Variants in FALEC observed in about 807,000 individuals in gnomAD.
FALEC encodes focally amplified lncRNA on chromosome 1.
downstream of FALEC, among the ~76,000 whole-genome samples, chr1:150,520,603 G>A (rs1039513384): frequency 4.6e-5 from 7 of 151,842 alleles, no homozygotes; most frequent in Admixed American, 3.3e-4. Context: ...CATTTGGGTC[G>A]TTTTCATCTT....
At chr1:150,519,445 G>A (rs1670611804), downstream of FALEC, among the ~76,000 whole-genome samples, 1 of 152,204 alleles carries the variant, frequency 6.6e-6, no homozygotes, top group Non-Finnish European at 1.5e-5. Flanking sequence ...ATAAATGTAA[G>A]GGCGGTGGCT....
chr1:150,520,187 G>T (rs1670619725), downstream of FALEC, among the ~76,000 whole-genome samples: 1 of 152,034 alleles, frequency 6.6e-6, no homozygotes, highest in Non-Finnish European at 1.5e-5. Context: ...GACAAAATTT[G>T]CCATTTTAAC....
chr1:150,528,916 G>A, the FALEC span, among the ~76,000 whole-genome samples: 1 of 147,182 alleles, frequency 6.8e-6, no homozygotes, highest in African/African-American at 2.5e-5. Flanking sequence ...ATTGAATGAT[G>A]GTCTTTGTCT....
chr1:150,519,466 A>C (rs1302512400), downstream of FALEC, among the ~76,000 whole-genome samples: 2 of 152,166 alleles, frequency 1.3e-5, no homozygotes, highest in Non-Finnish European at 2.9e-5. Context: ...CATGCCTGTA[A>C]TCCCAACACT....
chr1:150,524,829 C>T, the FALEC span, among the ~76,000 whole-genome samples: 1 of 151,720 alleles, frequency 6.6e-6, no homozygotes, highest in Non-Finnish European at 1.5e-5. Context: ...TCTGTCTCTA[C>T]AAAAAATAAA....
chr1:150,517,958 A>G (rs763397651), exon 2 of FALEC: 2 of 152,202 alleles, frequency 1.3e-5, no homozygotes, highest in Non-Finnish European at 2.9e-5. Flanking sequence ...AAAAGGAGGC[A>G]GCACTTGTAG....
downstream of FALEC, among the ~76,000 whole-genome samples, chr1:150,522,403 G>T (rs907233516): frequency 2.0e-5 from 3 of 151,908 alleles, no homozygotes; most frequent in Non-Finnish European, 2.9e-5. Context: ...CAGGAGGATC[G>T]CCCAAGGTCA....
downstream of FALEC, among the ~76,000 whole-genome samples, chr1:150,518,541 C>T (rs1297844949): frequency 5.9e-5 from 9 of 151,682 alleles, 1 homozygote; most frequent in Middle Eastern, 3.2e-3. Flanking sequence ...TGCACTACCA[C>T]GCCCGGTTCA....
chr1:150,529,752 C>T, the FALEC span, among the ~76,000 whole-genome samples: 2 of 152,216 alleles, frequency 1.3e-5, no homozygotes, highest in East Asian at 3.9e-4. Context: ...CGCCTGCCAC[C>T]ACGCCCGGCT....
the FALEC span, among the ~76,000 whole-genome samples, chr1:150,523,879 G>C: frequency 1.2e-4 from 19 of 152,016 alleles, no homozygotes; most frequent in Non-Finnish European, 2.8e-4. Context: ...ACTCTAAATG[G>C]CATCACAAAG....
the FALEC span, among the ~76,000 whole-genome samples, chr1:150,523,823 G>A: frequency 6.6e-6 from 1 of 152,122 alleles, no homozygotes; most frequent in African/African-American, 2.4e-5. Flanking sequence ...ATACAGCCAA[G>A]GGTATGGATC....
chr1:150,533,352 G>A, the FALEC span, among the ~76,000 whole-genome samples: 1 of 151,396 alleles, frequency 6.6e-6, no homozygotes, highest in African/African-American at 2.4e-5. Flanking sequence ...GGCAAGATGG[G>A]CCACATCGAG....
chr1:150,535,698 C>T, the FALEC span, among the ~76,000 whole-genome samples: 1 of 152,212 alleles, frequency 6.6e-6, no homozygotes, highest in East Asian at 1.9e-4. Flanking sequence ...CCATGGCCCC[C>T]TCCACACAGC....
the FALEC span, among the ~76,000 whole-genome samples, chr1:150,523,651 CA>C: frequency 0.38 from 41,425 of 109,012 alleles, 6,494 homozygotes; most frequent in Non-Finnish European, 0.45. Context: ...GAGACTCCGT[CA>C]AAAAAAAAAA....
chr1:150,527,053 A>T, the FALEC span, among the ~76,000 whole-genome samples: 1 of 149,464 alleles, frequency 6.7e-6, no homozygotes, highest in Non-Finnish European at 1.5e-5. Context: ...CTCCTGTCTC[A>T]GCCTCCCTCC....
At chr1:150,522,979 ATATATT>A (rs1670675921), downstream of FALEC, among the ~76,000 whole-genome samples, 2 of 22,890 alleles carry the variant, frequency 8.7e-5, no homozygotes, top group East Asian at 8.1e-4. Flanking sequence ...ATATATATAT[ATATATT>A]TTTTTTTTTT....
the FALEC span, among the ~76,000 whole-genome samples, chr1:150,535,994 G>T: frequency 1.3e-5 from 2 of 152,192 alleles, no homozygotes; most frequent in African/African-American, 4.8e-5. Context: ...GATATGTAAG[G>T]CAAGCCCTGC....
chr1:150,522,897 AT>A (rs1670667229), downstream of FALEC, among the ~76,000 whole-genome samples: 1 of 66,838 alleles, frequency 1.5e-5, no homozygotes, highest in Admixed American at 1.5e-4. Flanking sequence ...ACGTATATAT[AT>A]ATATACATAT....
At chr1:150,529,016 C>CAAAAAAAAAAGAAAAAA in the FALEC span, among the ~76,000 whole-genome samples, 4 of 59,286 alleles carry the variant, frequency 6.7e-5, no homozygotes, top group Non-Finnish European at 1.2e-4. Context: ...AAATAAATAG[C>CAAAAAAAAAAGAAAAAA]AAAAAAAAAA....
Sources: allele counts gnomAD v4.1 joint callset (sites outside exome capture counted in the v4.1 genomes callset), GRCh38; gene constraint gnomAD v4.1.1; transcripts MANE v1.5; gene names NCBI Gene and HGNC (gene_info 2026-07-23, HGNC 2026-07-21).